SPOPL: variants seen among roughly 807,000 people sequenced by gnomAD.
SPOPL encodes speckle type BTB/POZ protein like, also known as speckle-type POZ protein-like.
In SPOPL, 23 loss-of-function variants were observed where a neutral mutation model predicts 53.8. That is an observed-to-expected ratio of 0.43 (90% CI 0.31 to 0.61). The LOEUF (loss-of-function observed/expected upper bound fraction) is 0.61. Among genes scored for constraint, SPOPL ranks in the 20% least tolerant of loss-of-function variants. The probability of loss-of-function intolerance (pLI) is 0.12; values close to 1 mark genes in which losing one functional copy is unlikely to be tolerated. For missense variants in SPOPL, 442 were observed against 466.9 expected, an observed-to-expected ratio of 0.95 and a Z score of 0.49; for synonymous variants, 164 against 149.7, an observed-to-expected ratio of 1.10 and a Z score of -0.70.
chr2:138,527,783 T>C (rs936929205), intron 1 of SPOPL, among the ~76,000 whole-genome samples: 2 of 152,196 alleles, frequency 1.3e-5, no homozygotes, highest in Admixed American at 1.3e-4. Flanking sequence ...AGATGGTATC[T>C]GGCTGTCATG....
intron 1 of SPOPL, among the ~76,000 whole-genome samples, chr2:138,526,109 G>A (rs1006103959): frequency 6.6e-6 from 1 of 151,978 alleles, no homozygotes; most frequent in African/African-American, 2.4e-5. Context: ...TTTGCATTTT[G>A]TTCTGACTAT....
intron 8 of SPOPL, among the ~76,000 whole-genome samples, chr2:138,561,884 C>G (rs1685557525): frequency 6.6e-6 from 1 of 152,068 alleles, no homozygotes; most frequent in South Asian, 2.1e-4. Context: ...TCTCTACCCC[C>G]TCAAGGAGTC....
chr2:138,556,502 A>G (rs970269654), intron 5 of SPOPL, among the ~76,000 whole-genome samples: 3 of 152,218 alleles, frequency 2.0e-5, no homozygotes, highest in African/African-American at 7.2e-5. Context: ...AGTGCTTGAT[A>G]TGAACAAATA....
intron 1 of SPOPL, among the ~76,000 whole-genome samples, chr2:138,529,525 T>C (rs1254031840): frequency 4.7e-5 from 7 of 148,590 alleles, no homozygotes; most frequent in Middle Eastern, 3.5e-3. Context: ...TGTGTGTGTG[T>C]GTGTGTGTGT....
chr2:138,507,535 G>C (rs1400198772), intron 1 of SPOPL, among the ~76,000 whole-genome samples: 1 of 152,218 alleles, frequency 6.6e-6, no homozygotes, highest in African/African-American at 2.4e-5. Flanking sequence ...CCCTTGAGCA[G>C]AGTGTTTCTG....
chr2:138,540,371 C>T (rs184587151), intron 1 of SPOPL, among the ~76,000 whole-genome samples: 64 of 152,156 alleles, frequency 4.2e-4, no homozygotes, highest in African/African-American at 1.4e-3. Flanking sequence ...ATTCTTCCTA[C>T]CCATGAGCAT....
At chr2:138,539,842 G>A (rs765913737) in intron 1 of SPOPL, among the ~76,000 whole-genome samples, 12 of 152,150 alleles carry the variant, frequency 7.9e-5, no homozygotes, top group African/African-American at 1.9e-4. Flanking sequence ...TGTCCTGAAC[G>A]GTATTGCCTA....
intron 8 of SPOPL, among the ~76,000 whole-genome samples, chr2:138,561,382 T>G (rs893496746): frequency 2.3e-4 from 35 of 152,298 alleles, no homozygotes; most frequent in African/African-American, 8.4e-4. Context: ...ATAATACTTT[T>G]TTGTAATGAT....
chr2:138,503,831 T>A (rs911801115), intron 1 of SPOPL, among the ~76,000 whole-genome samples: 1 of 152,254 alleles, frequency 6.6e-6, no homozygotes, highest in Non-Finnish European at 1.5e-5. Flanking sequence ...TTCTTCATAC[T>A]CATCTGACCT....
intron 1 of SPOPL, among the ~76,000 whole-genome samples, chr2:138,533,426 C>A (rs1024609327): frequency 2.0e-5 from 3 of 152,048 alleles, no homozygotes; most frequent in Non-Finnish European, 4.4e-5. Context: ...TGTCTGTATC[C>A]TCTACTATGT....
At chr2:138,529,117 T>C (rs1684744168) in intron 1 of SPOPL, among the ~76,000 whole-genome samples, 1 of 152,184 alleles carries the variant, frequency 6.6e-6, no homozygotes, top group African/African-American at 2.4e-5. Flanking sequence ...AATTTCAAAA[T>C]AGTTCTCTTT....
At chr2:138,521,759 C>T (rs112397230) in intron 1 of SPOPL, among the ~76,000 whole-genome samples, 2 of 152,282 alleles carry the variant, frequency 1.3e-5, no homozygotes, top group African/African-American at 4.8e-5. Flanking sequence ...AAAACTACCT[C>T]CTTGCTTTCA....
chr2:138,523,241 G>A (rs1331108319), intron 1 of SPOPL, among the ~76,000 whole-genome samples: 1 of 152,158 alleles, frequency 6.6e-6, no homozygotes, highest in Admixed American at 6.5e-5. Flanking sequence ...AGCTTGTGCA[G>A]GGAAATTCCC....
chr2:138,512,901 C>G (rs1684357632), intron 1 of SPOPL, among the ~76,000 whole-genome samples: 1 of 152,218 alleles, frequency 6.6e-6, no homozygotes, highest in African/African-American at 2.4e-5. Context: ...TCATTGAGTA[C>G]TTAGGCATGG....
At chr2:138,530,107 A>G (rs1684774652) in intron 1 of SPOPL, among the ~76,000 whole-genome samples, 1 of 152,222 alleles carries the variant, frequency 6.6e-6, no homozygotes, top group East Asian at 1.9e-4. Context: ...TTTGCTAAAG[A>G]TAATGGCCTC....
At chr2:138,535,354 A>T (rs912238910) in intron 1 of SPOPL, among the ~76,000 whole-genome samples, 49 of 152,086 alleles carry the variant, frequency 3.2e-4, no homozygotes, top group African/African-American at 1.2e-3. Context: ...GTTCTTTTGG[A>T]TATATACCTA....
Position 138,572,078 on chromosome 2 carries a change from T to G in SPOPL, c.*2998T>G, listed in dbSNP as rs991103906. ...ATTTGCTTGGGGCTTGTGTGTGGTA[T>G]GTTACAAAGAGTGAATTTCTGGAAA... On this transcript the variant is annotated 3_prime_UTR_variant, in exon 11 of 11. Transcript: ENST00000280098. The G allele has an allele frequency of 2.6e-5, 4 of 152,444 alleles. No homozygotes were observed. The highest frequency in any genetic ancestry group is 9.7e-5 in the African/African-American group (4 of 41,424). The allele number at this position is 152,444 out of a possible 1,614,324, so 9.4% of individuals were successfully genotyped here. A position where few individuals can be genotyped will look rare whatever the true frequency, so the allele number is the denominator to read the frequency against.
rs1474959840 is a variant in SPOPL at position 138,560,596 on chromosome 2, T to C, written c.715-209T>C. Among the ~76,000 whole-genome samples, 8 of 152,114 alleles carry C rather than the reference T, an allele frequency of 5.3e-5. No homozygotes were observed. The East Asian group carries it at 1.5e-3, about 29-fold the overall frequency. On this transcript the variant is annotated intron_variant, in intron 7 of 10. Coordinates refer to ENST00000280098, the MANE Select transcript of SPOPL (RefSeq NM_001001664.3). ...ATAGTGTATGCTTTTCCTCTTGGAC[T>C]TGTCCACTTCACTTTGCCGAAGTAC...
intron 1 of SPOPL, among the ~76,000 whole-genome samples, chr2:138,522,531 T>G (rs1017981689): frequency 2.6e-5 from 4 of 152,112 alleles, no homozygotes; most frequent in Non-Finnish European, 1.5e-5. Flanking sequence ...TCCCTTCCTT[T>G]CCCCCAGCTC....
Sources: gnomAD v4.1 joint callset for allele counts (sites outside exome capture counted in the v4.1 genomes callset) on GRCh38, gnomAD v4.1.1 for gene constraint, MANE v1.5 for transcripts, NCBI Gene and HGNC (gene_info 2026-07-23, HGNC 2026-07-21) for gene names.